Variants in PARP15 observed in about 807,000 individuals in gnomAD.
PARP15 encodes protein mono-ADP-ribosyltransferase PARP15.
A neutral mutation model predicts 62.1 loss-of-function variants in PARP15; 50 were observed. The observed-to-expected ratio is 0.81, with a 90% CI of 0.64 to 1.02. The LOEUF (loss-of-function observed/expected upper bound fraction) is 1.02, where lower values mean the gene tolerates loss of function less well. Among genes scored for constraint, PARP15 ranks in the 50% least tolerant of loss-of-function variants. PARP15 has a pLI of 0.00. For missense variants in PARP15, 820 were observed against 826.5 expected (o/e 0.99, Z 0.10); for synonymous variants, 309 against 293.1 (o/e 1.05, Z -0.55).
chr3:122,613,381 G>C, intron 4 of PARP15, 113 bp downstream of exon 4: 1 of 887,374 alleles, frequency 1.1e-6, no homozygotes, highest in Non-Finnish European at 1.7e-6. Context: ...TATAAGTGAT[G>C]GTTGCTAATG....
At chr3:122,594,784 T>C (rs1934207170) in intron 1 of PARP15, 2 of 981,558 alleles carry the variant, frequency 2.0e-6, no homozygotes, top group African/African-American at 1.7e-5. Flanking sequence ...ATGGACACCA[T>C]GGAAGTTCAG....
chr3:122,610,084 C>T (rs945240247), intron 2 of PARP15, among the ~76,000 whole-genome samples: 2 of 152,206 alleles, frequency 1.3e-5, no homozygotes, highest in Non-Finnish European at 2.9e-5. Context: ...AATTCTTTCT[C>T]CCTTCCCCTG....
intron 9 of PARP15, among the ~76,000 whole-genome samples, chr3:122,631,789 A>G (rs1198550360): frequency 6.6e-6 from 1 of 152,260 alleles, no homozygotes; most frequent in Non-Finnish European, 1.5e-5. Context: ...GTTTCTTACA[A>G]AATTAATTCC....
chr3:122,628,098 A>G (rs116982497), intron 9 of PARP15, among the ~76,000 whole-genome samples: 3 of 152,282 alleles, frequency 2.0e-5, no homozygotes, highest in East Asian at 3.9e-4. Context: ...CAAGCTTCAT[A>G]TGGTGAAAGC....
At chr3:122,615,261 C>T (rs568714698) in intron 4 of PARP15, 21 of 1,287,180 alleles carry the variant, frequency 1.6e-5, no homozygotes, top group East Asian at 5.6e-5. Context: ...GGTTTTCTAA[C>T]GTGGATTTTC....
intron 2 of PARP15, among the ~76,000 whole-genome samples, chr3:122,608,525 T>G (rs1330589805): frequency 2.0e-5 from 3 of 152,108 alleles, no homozygotes; most frequent in Non-Finnish European, 4.4e-5. Flanking sequence ...CACAATCCTG[T>G]GCTTTCTTAA....
intron 3 of PARP15, 26 bp downstream of exon 3, chr3:122,610,756 C>A: frequency 6.8e-7 from 1 of 1,468,914 alleles, no homozygotes; most frequent in Non-Finnish European, 9.0e-7. Context: ...AGTTCTCCAA[C>A]GTATTGGGTG....
At chr3:122,582,202 C>T (rs1933006291) in intron 1 of PARP15, among the ~76,000 whole-genome samples, 1 of 150,960 alleles carries the variant, frequency 6.6e-6, no homozygotes, top group African/African-American at 2.4e-5. Context: ...AACAAGGTCT[C>T]CCTCTGTCAT....
chr3:122,582,935 G>A (rs1576470681), intron 1 of PARP15, among the ~76,000 whole-genome samples: 1 of 150,986 alleles, frequency 6.6e-6, no homozygotes. Flanking sequence ...TGTTTACAGT[G>A]TTTTTTTTCT....
intron 1 of PARP15, among the ~76,000 whole-genome samples, chr3:122,591,764 C>CCAAA (rs1933940736): frequency 9.7e-6 from 1 of 103,416 alleles, no homozygotes; most frequent in Non-Finnish European, 1.8e-5. Context: ...GACTCTGTCT[C>CCAAA]AAAAAAAAAA....
chr3:122,610,429 AT>A, intron 2 of PARP15, 64 bp from the exon 3 acceptor site: 1 of 1,389,412 alleles, frequency 7.2e-7, no homozygotes, highest in African/African-American at 1.4e-5. Flanking sequence ...TACTTAGTAA[AT>A]TTACAGTTGC....
At position 122,636,252 on chromosome 3, in the gene PARP15, C is replaced by CAGCAATA; in HGVS notation, c.*152_*153insAGCAATA. The stretch of plus-strand genomic sequence containing the variant: ...ACCTTTTTAAAGTGCTCTATTGCTG[C>CAGCAATA]GATTTGTAGCATACCTTTTTTTCTC... On this transcript the variant is annotated 3_prime_UTR_variant, in exon 12 of 12. Transcript: ENST00000464300. 1 of 700,950 alleles carries CAGCAATA rather than the reference C, an allele frequency of 1.4e-6. No homozygotes were observed. The highest frequency in any genetic ancestry group is 2.3e-6 in the Non-Finnish European group (1 of 434,162). The allele number at this position is 700,950 out of a possible 1,614,324, so 43.4% of individuals were successfully genotyped here.
intron 1 of PARP15, among the ~76,000 whole-genome samples, chr3:122,596,313 G>A (rs1319566346): frequency 2.4e-5 from 3 of 124,346 alleles, no homozygotes; most frequent in Non-Finnish European, 4.7e-5. Context: ...CTGAGATCTC[G>A]CCACTGTACT....
At chr3:122,580,876 C>T (rs7641610) in intron 1 of PARP15, among the ~76,000 whole-genome samples, 56,518 of 151,960 alleles carry the variant, frequency 0.37, 10,944 homozygotes, top group Admixed American at 0.46. Context: ...AGTCAGTGAC[C>T]GACCATGTAA....
chr3:122,617,458 C>G (rs1280076860), intron 6 of PARP15, among the ~76,000 whole-genome samples: 1 of 152,134 alleles, frequency 6.6e-6, no homozygotes, highest in Non-Finnish European at 1.5e-5. Context: ...ACGCATTGTA[C>G]TTAGTGTCAG....
chr3:122,596,677 G>A (rs1559938588), intron 1 of PARP15, among the ~76,000 whole-genome samples: 1 of 152,026 alleles, frequency 6.6e-6, no homozygotes. Context: ...TTTCTTGAAG[G>A]GTTTACCATG....
chr3:122,582,190 G>C (rs1358297983), intron 1 of PARP15, among the ~76,000 whole-genome samples: 1 of 103,520 alleles, frequency 9.7e-6, no homozygotes, highest in African/African-American at 3.6e-5. Context: ...TTTTTTTTTT[G>C]AAACAAGGTC....
intron 1 of PARP15, among the ~76,000 whole-genome samples, chr3:122,582,400 C>T (rs1246761704): frequency 6.7e-6 from 1 of 148,706 alleles, no homozygotes; most frequent in East Asian, 1.9e-4. Context: ...TGGTCTTGAA[C>T]CCCCAGACTC....
intron 1 of PARP15, among the ~76,000 whole-genome samples, chr3:122,601,044 T>TG (rs965014087): frequency 7.4e-6 from 1 of 135,456 alleles, no homozygotes; most frequent in Non-Finnish European, 1.5e-5. Flanking sequence ...TGGTTTTTTT[T>TG]TTTTTTTTTT....
Sources: gnomAD v4.1 joint callset for allele counts (sites outside exome capture counted in the v4.1 genomes callset) on GRCh38, gnomAD v4.1.1 for gene constraint, MANE v1.5 for transcripts, NCBI Gene and HGNC (gene_info 2026-07-23, HGNC 2026-07-21) for gene names.